The following SEMA3A variants were observed in gnomAD, a reference collection of about 807,000 sequenced individuals.
SEMA3A encodes semaphorin-3A.
In SEMA3A, 29 loss-of-function variants were observed where a neutral mutation model predicts 97.9. That is an observed-to-expected ratio of 0.30 (90% CI 0.22 to 0.40). The LOEUF (loss-of-function observed/expected upper bound fraction) is 0.40. Ranked by LOEUF, SEMA3A falls within the 10% of genes least tolerant of loss-of-function variation. SEMA3A has a pLI of 1.00. For missense variants in SEMA3A, 763 were observed against 951.3 expected, an observed-to-expected ratio of 0.80 and a Z score of 2.60; for synonymous variants, 321 against 323.7, an observed-to-expected ratio of 0.99 and a Z score of 0.09.
chr7:84,425,782 C>A (rs1447385143), intron 1 of SEMA3A, among the ~76,000 whole-genome samples: 1 of 148,362 alleles, frequency 6.7e-6, no homozygotes, highest in Non-Finnish European at 1.5e-5. Context: ...ACAAGCCTGG[C>A]CAATATGGTG....
At chr7:84,097,614 A>C (rs1232624091) in intron 4 of SEMA3A, among the ~76,000 whole-genome samples, 2 of 152,114 alleles carry the variant, frequency 1.3e-5, no homozygotes, top group African/African-American at 4.8e-5. Context: ...CAGACTGGAA[A>C]ATAAAGATAA....
rs141228212 is a variant in SEMA3A at position 84,400,329 on chromosome 7, G to A, written c.-245-28429C>T. Among the ~76,000 whole-genome samples the A allele has an allele frequency of 7.6e-4, 116 of 152,268 alleles. 1 individual carries two copies. Among genetic ancestry groups the A allele is most frequent in the African/African-American group, 2.7e-3 (114 of 41,560 alleles). ...GACTAACCCTGAAGGACAGAGACAT[G>A]TGATCCCTTACCCAGAGAATATAAA... On this transcript the variant is annotated intron_variant, in intron 1 of 3. Coordinates refer to the SEMA3A transcript ENST00000424555.
intron 4 of SEMA3A, among the ~76,000 whole-genome samples, chr7:84,102,469 A>G (rs1011926050): frequency 1.3e-5 from 2 of 152,102 alleles, no homozygotes; most frequent in Admixed American, 1.3e-4. Context: ...AGCTATGCAG[A>G]CCAAATGTGC....
chr7:84,470,666 G>A (rs1806123776), intron 1 of SEMA3A, among the ~76,000 whole-genome samples: 1 of 151,828 alleles, frequency 6.6e-6, no homozygotes, highest in African/African-American at 2.4e-5. Flanking sequence ...TATATAGCAA[G>A]GTTTATACAC....
chr7:84,126,177 G>A (rs1452408729), intron 3 of SEMA3A, among the ~76,000 whole-genome samples: 1 of 152,052 alleles, frequency 6.6e-6, no homozygotes, highest in Admixed American at 6.6e-5. Context: ...GTTCCTTTGA[G>A]CCTTACAGGA....
rs1159722144 is a variant in SEMA3A, at chr7:83,956,795, A to G, written c.*4576T>C. ...TTCACACCTCTCCTCCTTTCTCCTT[A>G]TTTCTTCTACTCAGATTGCCATTTT... On this transcript the variant is annotated 3_prime_UTR_variant, in exon 17 of 17. Transcript: ENST00000265362. The G allele has an allele frequency of 6.6e-6, 1 of 151,774 alleles. No individual in the cohort carries two copies. The highest frequency in any genetic ancestry group is 1.5e-5 in the Non-Finnish European group (1 of 67,950). 9.4% of individuals were successfully genotyped at this position (151,774 alleles called of 1,614,324 possible). A position where few individuals can be genotyped will look rare whatever the true frequency, so the allele number is the denominator to read the frequency against.
At chr7:84,314,049 T>G (rs1386880128) in intron 2 of SEMA3A, among the ~76,000 whole-genome samples, 1 of 152,082 alleles carries the variant, frequency 6.6e-6, no homozygotes, top group Non-Finnish European at 1.5e-5. Flanking sequence ...TATGCCCAAA[T>G]GTGACTTATG....
At chr7:84,133,444 T>TA (rs1796023054) in intron 2 of SEMA3A, among the ~76,000 whole-genome samples, 1 of 152,120 alleles carries the variant, frequency 6.6e-6, no homozygotes. Flanking sequence ...TAAAAGCTTT[T>TA]AAAAATTCTG....
chr7:84,000,319 A>G (rs1405444008), intron 12 of SEMA3A, among the ~76,000 whole-genome samples: 1 of 152,124 alleles, frequency 6.6e-6, no homozygotes, highest in Non-Finnish European at 1.5e-5. Flanking sequence ...ATTAGATCAC[A>G]TTGATACTTT....
chr7:84,068,014 G>A (rs12707605), intron 4 of SEMA3A, among the ~76,000 whole-genome samples: 1 of 112,662 alleles, frequency 8.9e-6, no homozygotes, highest in Admixed American at 9.4e-5. Flanking sequence ...CAAAGACTTG[G>A]AACCAACCCA....
At chr7:84,463,330 C>G (rs187439963) in intron 1 of SEMA3A, among the ~76,000 whole-genome samples, 314 of 144,050 alleles carry the variant, frequency 2.2e-3, no homozygotes, top group South Asian at 8.1e-3. Flanking sequence ...CTCACTGCAA[C>G]CTCCGCCTCC....
intron 4 of SEMA3A, among the ~76,000 whole-genome samples, chr7:84,099,067 TTTTTTTTC>T (rs1228704733): frequency 4.1e-5 from 2 of 48,776 alleles, no homozygotes; most frequent in African/African-American, 8.6e-5. Context: ...TACATTTTCT[TTTTTTTTC>T]TTTTTTTTTT....
chr7:84,357,787 T>C (rs1283679308), intron 2 of SEMA3A, among the ~76,000 whole-genome samples: 1 of 151,766 alleles, frequency 6.6e-6, no homozygotes, highest in Non-Finnish European at 1.5e-5. Flanking sequence ...CCACATCCTC[T>C]CCAGCACCTG....
intron 6 of SEMA3A, among the ~76,000 whole-genome samples, chr7:84,029,924 A>G (rs1253346264): frequency 1.3e-5 from 2 of 152,140 alleles, no homozygotes; most frequent in Non-Finnish European, 2.9e-5. Context: ...GAGTTTCTAT[A>G]AAATTGAAAA....
chr7:84,045,015 A>C (rs1792294727), intron 6 of SEMA3A, among the ~76,000 whole-genome samples: 1 of 151,972 alleles, frequency 6.6e-6, no homozygotes, highest in Non-Finnish European at 1.5e-5. Context: ...GATTGAGGTA[A>C]TTTGAGGTAT....
rs1274707930 is a variant in SEMA3A, at chr7:83,994,338, G to C, written c.1452+7617C>G. ...GCTCATCAAAGTCATTCTCCATCCA[G>C]CTTTGTTCCGTTGCTGGTGAGGAAC... On this transcript the variant is annotated intron_variant, in intron 12 of 16. Transcript: ENST00000265362. 3.4e-5 allele frequency among the ~76,000 whole-genome samples: 4 copies of C among 117,944 alleles called. 2 individuals carry two copies. Among genetic ancestry groups the C allele is most frequent in the African/African-American group, 6.3e-5 (2 of 31,662 alleles). The allele number at this position is 117,944 out of a possible 152,430, so 77.4% of individuals were successfully genotyped here.
At chr7:84,429,623 T>A (rs1486251819) in intron 1 of SEMA3A, among the ~76,000 whole-genome samples, 1 of 146,584 alleles carries the variant, frequency 6.8e-6, no homozygotes, top group African/African-American at 2.5e-5. Context: ...TTCCACTTTT[T>A]CCTGCCCTGG....
At chr7:84,453,697 C>T (rs1387087492) in intron 1 of SEMA3A, among the ~76,000 whole-genome samples, 4 of 152,134 alleles carry the variant, frequency 2.6e-5, no homozygotes, top group Non-Finnish European at 5.9e-5. Flanking sequence ...ATTAAATATT[C>T]TATCGTGTAC....
chr7:84,272,884 A>C (rs907566355), intron 3 of SEMA3A, among the ~76,000 whole-genome samples: 1 of 152,082 alleles, frequency 6.6e-6, no homozygotes. Context: ...AAACGCAATT[A>C]TTTACAATGG....
Sources: gnomAD v4.1 joint callset for allele counts (sites outside exome capture counted in the v4.1 genomes callset) on GRCh38, gnomAD v4.1.1 for gene constraint, MANE v1.5 for transcripts, NCBI Gene and HGNC (gene_info 2026-07-23, HGNC 2026-07-21) for gene names.